Variants in PTPRG observed in about 807,000 individuals in gnomAD.
The protein encoded by PTPRG is protein tyrosine phosphatase receptor type G.
PTPRG carries 102 observed loss-of-function variants against 165.3 expected under a neutral mutation model. That is an observed-to-expected ratio of 0.62 (90% confidence interval 0.53 to 0.73). The LOEUF (loss-of-function observed/expected upper bound fraction) is 0.73. Among genes scored for constraint, PTPRG ranks in the 30% least tolerant of loss-of-function variants. PTPRG has a pLI of 0.00. For missense variants in PTPRG, 1,866 were observed against 1,861.4 expected (o/e 1.00, Z -0.05); for synonymous variants, 675 against 669.5 (o/e 1.01, Z -0.13).
intron 2 of PTPRG, among the ~76,000 whole-genome samples, chr3:61,800,106 C>A (rs184940992): frequency 2.6e-5 from 4 of 152,276 alleles, no homozygotes; most frequent in African/African-American, 9.6e-5. Context: ...AATGCTTAGA[C>A]CAGTGCCTGG....
Position 62,191,602 on chromosome 3 carries a change from G to A in PTPRG, c.1167G>A (p.Lys389=). 6.2e-7 allele frequency: 1 copy of A among 1,614,186 alleles called. No homozygotes were observed. Among genetic ancestry groups the A allele is most frequent in the Non-Finnish European group, 8.5e-7 (1 of 1,180,020 alleles). ...ACATGATCTCCTACAGCTGGACCAA[G>A]AATGAGGACGAGAAGGAGAAGACGT... ...MNYMISYSWT[K]NEDEKEKTFT... Residue 389 remains lysine, a synonymous_variant, in exon 9 of 30, where the codon AAG becomes AAA. Transcript: ENST00000474889.
intron 2 of PTPRG, among the ~76,000 whole-genome samples, chr3:61,786,194 G>C (rs1225025076): frequency 1.3e-5 from 2 of 152,162 alleles, no homozygotes; most frequent in Non-Finnish European, 2.9e-5. Context: ...AGATGTGCCT[G>C]TTATGGTGGT....
At chr3:61,697,766 T>C (rs2030691682) in intron 1 of PTPRG, among the ~76,000 whole-genome samples, 1 of 152,174 alleles carries the variant, frequency 6.6e-6, no homozygotes, top group Non-Finnish European at 1.5e-5. Context: ...CCCACTTCCC[T>C]TTCCCCTATG....
intron 5 of PTPRG, among the ~76,000 whole-genome samples, chr3:62,099,666 T>C (rs1438090130): frequency 1.3e-5 from 2 of 151,950 alleles, no homozygotes; most frequent in Non-Finnish European, 2.9e-5. Flanking sequence ...GTTAATACCA[T>C]AAGCAAACAC....
chr3:61,830,291 C>T (rs671417), intron 2 of PTPRG, among the ~76,000 whole-genome samples: 18,353 of 152,178 alleles, frequency 0.12, 2,816 homozygotes, highest in African/African-American at 0.36. Flanking sequence ...TGGAATTATA[C>T]GGTGTGAACT....
At chr3:61,621,839 G>A (rs1275940695) in intron 1 of PTPRG, among the ~76,000 whole-genome samples, 1 of 152,174 alleles carries the variant, frequency 6.6e-6, no homozygotes, top group Non-Finnish European at 1.5e-5. Context: ...TTTCTTATTT[G>A]TGAAGTGGAG....
At chr3:61,888,327 T>G (rs368054475) in intron 2 of PTPRG, among the ~76,000 whole-genome samples, 62 of 110,670 alleles carry the variant, frequency 5.6e-4, no homozygotes, top group African/African-American at 4.0e-3. Flanking sequence ...GGGTTGTTTT[T>G]TTTGTTTGTT....
chr3:61,906,283 T>C (rs2038649136), intron 2 of PTPRG, among the ~76,000 whole-genome samples: 1 of 151,188 alleles, frequency 6.6e-6, no homozygotes, highest in African/African-American at 2.4e-5. Flanking sequence ...TGAAACCCTG[T>C]CTCTACTAAA....
intron 2 of PTPRG, among the ~76,000 whole-genome samples, chr3:61,829,825 T>C (rs966202334): frequency 6.6e-6 from 1 of 152,208 alleles, no homozygotes; most frequent in African/African-American, 2.4e-5. Flanking sequence ...TGGTGTAACA[T>C]GGTCCTGAAC....
chr3:61,940,161 G>A (rs769708634), intron 2 of PTPRG, among the ~76,000 whole-genome samples: 1 of 151,934 alleles, frequency 6.6e-6, no homozygotes, highest in Non-Finnish European at 1.5e-5. Context: ...TGGCCAGGCT[G>A]GTCTCGAATT....
chr3:61,651,774 C>T (rs1244161347), intron 1 of PTPRG, among the ~76,000 whole-genome samples: 1 of 152,142 alleles, frequency 6.6e-6, no homozygotes, highest in African/African-American at 2.4e-5. Flanking sequence ...CTTTGGGAGG[C>T]CGAGGTAGGT....
At chr3:62,154,756 TC>T (rs1704472142) in intron 6 of PTPRG, among the ~76,000 whole-genome samples, 1 of 152,158 alleles carries the variant, frequency 6.6e-6, no homozygotes, top group African/African-American at 2.4e-5. Flanking sequence ...GGAAAACTCT[TC>T]TGATTCTCTA....
At chr3:62,032,746 G>A (rs750953403) in intron 4 of PTPRG, among the ~76,000 whole-genome samples, 1 of 152,098 alleles carries the variant, frequency 6.6e-6, no homozygotes, top group Non-Finnish European at 1.5e-5. Flanking sequence ...ATGTAGCTTT[G>A]GATCTAAATA....
intron 6 of PTPRG, among the ~76,000 whole-genome samples, chr3:62,137,665 T>C (rs1703762493): frequency 6.6e-6 from 1 of 152,154 alleles, no homozygotes; most frequent in Non-Finnish European, 1.5e-5. Context: ...TGATCTTTTT[T>C]TGGTGCAAGT....
chr3:61,708,762 C>T (rs1206905509), intron 1 of PTPRG, among the ~76,000 whole-genome samples: 1 of 152,104 alleles, frequency 6.6e-6, no homozygotes, highest in Admixed American at 6.6e-5. Context: ...TGGCTTTCTG[C>T]AAATCTTAAA....
At position 61,868,386 on chromosome 3, in the gene PTPRG, C is replaced by T. The variant is rs187012390; in HGVS notation, c.190+119404C>T. Among the ~76,000 whole-genome samples the T allele has an allele frequency of 8.2e-4, 125 of 152,280 alleles. 2 individuals carry two copies. The highest frequency in any genetic ancestry group is 9.8e-4 in the Admixed American group (15 of 15,284). On this transcript the variant is annotated intron_variant, in intron 2 of 29. Coordinates refer to ENST00000474889, the MANE Select transcript of PTPRG (RefSeq NM_002841.4). The stretch of plus-strand genomic sequence containing the variant: ...GAAGAAAGGCATCATATCATCTTGT[C>T]CCTGGTTATCTCATTGAGTTCATTT...
rs1233924973 is a variant in PTPRG, at chr3:62,255,348, C to T, written c.2559+133C>T. ...CGGAAAGTGGAGTTTTTCTTTTCAT[C>T]TATTATTTTAATAGGCATTCTTTTC... On this transcript the variant is annotated intron_variant, in intron 16 of 29. Coordinates refer to ENST00000474889, the MANE Select transcript of PTPRG (RefSeq NM_002841.4). The surrounding 1 kb of genome is among the most constrained non-coding windows in gnomAD (Gnocchi z 4.0). The T allele has an allele frequency of 9.0e-6, 6 of 664,580 alleles. No homozygotes were observed. The highest frequency in any genetic ancestry group is 1.5e-5 in the Non-Finnish European group (6 of 404,754). The allele number at this position is 664,580 out of a possible 1,614,324, so 41.2% of individuals were successfully genotyped here.
intron 1 of PTPRG, among the ~76,000 whole-genome samples, chr3:61,621,033 G>GTGTATATATATATATA (rs767786792): frequency 7.7e-5 from 10 of 129,990 alleles, no homozygotes; most frequent in East Asian, 2.4e-4. Flanking sequence ...GTGTGTGTGT[G>GTGTATATATATATATA]TATATATATA....
Position 62,084,413 on chromosome 3 carries a change from T to C in PTPRG, c.615+6155T>C, listed in dbSNP as rs754088368. Among the ~76,000 whole-genome samples the C allele has an allele frequency of 1.9e-4, 29 of 152,354 alleles. No individual in the cohort carries two copies. The South Asian group carries it at 2.7e-3, about 14-fold the overall frequency. On this transcript the variant is annotated intron_variant, in intron 5 of 29. Transcript: ENST00000474889. Reference sequence around the variant, plus strand: ...CTACCCAGAATATGACTGTAGTCCTTTGGTTTTTCCCTCAGGTCTGTAGAG... The same window carrying C: ...CTACCCAGAATATGACTGTAGTCCTCTGGTTTTTCCCTCAGGTCTGTAGAG...
Sources: allele counts gnomAD v4.1 joint callset (sites outside exome capture counted in the v4.1 genomes callset), GRCh38; gene constraint gnomAD v4.1.1; non-coding constraint Gnocchi (gnomAD v3.1); transcripts MANE v1.5; gene names NCBI Gene and HGNC (gene_info 2026-07-23, HGNC 2026-07-21).